Variants in GPM6A observed in about 807,000 individuals in gnomAD.
GPM6A encodes neuronal membrane glycoprotein M6-a.
A neutral mutation model predicts 32.1 loss-of-function variants in GPM6A; 7 were observed. The observed-to-expected ratio is 0.22, with a 90% CI of 0.12 to 0.41. GPM6A has a LOEUF of 0.41. Ranked by LOEUF, GPM6A falls within the 10% of genes least tolerant of loss-of-function variation. The pLI is 1.00. For synonymous variants in GPM6A, 130 were observed against 123.4 expected (o/e 1.05, Z -0.35); for missense variants, 235 against 347.2 (o/e 0.68, Z 2.57).
At chr4:175,750,975 C>A (rs1299458257) in intron 1 of GPM6A, among the ~76,000 whole-genome samples, 1 of 151,988 alleles carries the variant, frequency 6.6e-6, no homozygotes, top group Non-Finnish European at 1.5e-5. Context: ...TTCGTTTATT[C>A]GCAGATAAAG....
intron 1 of GPM6A, among the ~76,000 whole-genome samples, chr4:175,707,842 C>T (rs1366143257): frequency 6.6e-6 from 1 of 152,030 alleles, no homozygotes; most frequent in Non-Finnish European, 1.5e-5. Context: ...AAGATGGTCT[C>T]TTGTTTTAAA....
intron 1 of GPM6A, among the ~76,000 whole-genome samples, chr4:175,936,256 A>AGATC (rs1341514828): frequency 5.1e-5 from 7 of 137,980 alleles, no homozygotes; most frequent in Non-Finnish European, 1.1e-4. Context: ...CAGTGAGCCA[A>AGATC]GATCGCGCCA....
At chr4:175,816,112 G>A (rs1327946919), upstream of GPM6A, among the ~76,000 whole-genome samples, 2 of 152,162 alleles carry the variant, frequency 1.3e-5, no homozygotes, top group African/African-American at 2.4e-5. Flanking sequence ...AATCACGGGA[G>A]CCCGGGAGGT....
At chr4:175,882,627 T>C (rs1845727) in intron 1 of GPM6A, among the ~76,000 whole-genome samples, 147,153 of 151,968 alleles carry the variant, frequency 0.97, 71,440 homozygotes, top group East Asian at 1. Flanking sequence ...CTTTAGTTTT[T>C]GTCTTTCATA....
Position 175,804,740 on chromosome 4 carries a change from T to C in GPM6A, c.37+7451A>G, listed in dbSNP as rs184239558. Among the ~76,000 whole-genome samples the C allele has an allele frequency of 3.2e-3, 489 of 152,174 alleles. 2 individuals carry two copies. The highest frequency in any genetic ancestry group is 5.9e-3 in the Non-Finnish European group (404 of 67,996). ...AAACTGAACAGAAAAACTGATATGG[T>C]ATAGGCTGTTAAAAATGAAAGTGGG... On this transcript the variant is annotated intron_variant, in intron 1 of 6. Coordinates refer to ENST00000393658, the MANE Select transcript of GPM6A (RefSeq NM_201591.3).
At chr4:175,988,720 T>C (rs987259917) in intron 1 of GPM6A, among the ~76,000 whole-genome samples, 9 of 152,100 alleles carry the variant, frequency 5.9e-5, no homozygotes, top group African/African-American at 2.2e-4. Context: ...CTAATAAGAA[T>C]AGGAAAACAA....
At chr4:175,791,939 TGATACCACAACC>T (rs894278341) in intron 1 of GPM6A, among the ~76,000 whole-genome samples, 36 of 152,296 alleles carry the variant, frequency 2.4e-4, no homozygotes, top group African/African-American at 8.7e-4. Context: ...ATTGATGCTT[TGATACCACAACC>T]TGTGGTCATA....
At chr4:175,875,692 T>C (rs1737064320) in intron 1 of GPM6A, among the ~76,000 whole-genome samples, 1 of 152,170 alleles carries the variant, frequency 6.6e-6, no homozygotes, top group East Asian at 1.9e-4. Flanking sequence ...CAACTAAACA[T>C]GCAGACTAAA....
At chr4:175,757,041 T>C (rs545826682) in intron 1 of GPM6A, among the ~76,000 whole-genome samples, 5 of 152,162 alleles carry the variant, frequency 3.3e-5, no homozygotes, top group African/African-American at 1.2e-4. Context: ...CTCCCAGGGA[T>C]GCTTGGGGTA....
chr4:175,932,160 G>T (rs2126313260), intron 1 of GPM6A, among the ~76,000 whole-genome samples: 1 of 151,954 alleles, frequency 6.6e-6, no homozygotes, highest in African/African-American at 2.4e-5. Flanking sequence ...AAGTATGGAA[G>T]TATATCTGCT....
intron 1 of GPM6A, among the ~76,000 whole-genome samples, chr4:175,723,215 T>A (rs868393628): frequency 3.9e-5 from 6 of 152,342 alleles, no homozygotes; most frequent in African/African-American, 1.4e-4. Context: ...TAATTATGAC[T>A]GAATGAGCAA....
intron 1 of GPM6A, among the ~76,000 whole-genome samples, chr4:175,860,203 AG>A (rs1388403881): frequency 2.0e-5 from 3 of 151,938 alleles, no homozygotes; most frequent in Non-Finnish European, 4.4e-5. Context: ...TACAAGTAAA[AG>A]TAAATGAAAT....
chr4:175,694,362 ATTG>A (rs1322872010), intron 2 of GPM6A, among the ~76,000 whole-genome samples: 1 of 152,216 alleles, frequency 6.6e-6, no homozygotes, highest in African/African-American at 2.4e-5. Context: ...CACCTGTTAA[ATTG>A]TTGTGACCAA....
intron 1 of GPM6A, among the ~76,000 whole-genome samples, chr4:175,757,603 C>T (rs1424710044): frequency 2.6e-5 from 4 of 152,116 alleles, no homozygotes; most frequent in Admixed American, 6.6e-5. Flanking sequence ...ATGTTCTCAA[C>T]ATAAAGTGTA....
intron 1 of GPM6A, among the ~76,000 whole-genome samples, chr4:175,855,144 A>G (rs1560966420): frequency 6.6e-6 from 1 of 152,214 alleles, no homozygotes; most frequent in African/African-American, 2.4e-5. Context: ...GAAAAATTTC[A>G]AAATTTCTAG....
At chr4:175,852,590 A>G (rs1736293359) in intron 1 of GPM6A, among the ~76,000 whole-genome samples, 1 of 152,170 alleles carries the variant, frequency 6.6e-6, no homozygotes, top group African/African-American at 2.4e-5. Context: ...CTTAGAGCTT[A>G]TATTAGTAAT....
At chr4:175,635,216 A>G (rs1313703967) in intron 6 of GPM6A, among the ~76,000 whole-genome samples, 159 bp from the exon 7 acceptor site, 1 of 152,166 alleles carries the variant, frequency 6.6e-6, no homozygotes, top group Non-Finnish European at 1.5e-5. Context: ...AATATAAAAT[A>G]TATTTTCATT....
At chr4:175,982,256 T>C (rs1473621187) in intron 1 of GPM6A, among the ~76,000 whole-genome samples, 13 of 152,166 alleles carry the variant, frequency 8.5e-5, no homozygotes, top group Admixed American at 8.5e-4. Flanking sequence ...TCCATTTTGA[T>C]GGATATCAAC....
intron 2 of GPM6A, among the ~76,000 whole-genome samples, chr4:175,692,001 G>A (rs1744326066): frequency 6.6e-6 from 1 of 152,140 alleles, no homozygotes; most frequent in African/African-American, 2.4e-5. Flanking sequence ...TTCTTCCTGA[G>A]AGCCTCCAGA....
Sources: allele counts gnomAD v4.1 joint callset (sites outside exome capture counted in the v4.1 genomes callset), GRCh38; gene constraint gnomAD v4.1.1; transcripts MANE v1.5; gene names NCBI Gene and HGNC (gene_info 2026-07-23, HGNC 2026-07-21).